MAGEA10: variants seen among roughly 807,000 people sequenced by gnomAD.
The protein encoded by MAGEA10 is melanoma-associated antigen 10.
Under a neutral mutation model 8.6 loss-of-function variants are expected in MAGEA10, and 7 were observed. That is an observed-to-expected ratio of 0.82 (90% CI 0.46 to 1.53). MAGEA10 has a LOEUF of 1.53. Among genes scored for constraint, MAGEA10 ranks in the 40% most tolerant of loss-of-function variants. The pLI is 0.01. For missense variants in MAGEA10, 293 were observed against 274.0 expected (o/e 1.07, Z -0.49); for synonymous variants, 125 against 107.4 (o/e 1.16, Z -1.02).
intron 1 of MAGEA10, 134 bp downstream of exon 1, chrX:152,138,341 T>TGGGGGGGG (rs11365460): frequency 7.6e-5 from 2 of 26,419 alleles, no homozygotes; most frequent in Non-Finnish European, 1.5e-4. Flanking sequence ...GGGGCGGGGG[T>TGGGGGGGG]GGGGGGGGGG....
chrX:152,135,318 T>G lies in MAGEA10; in HGVS notation c.303A>C (p.Pro101=). 1 of 1,210,666 alleles carries G rather than the reference T, an allele frequency of 8.3e-7. No homozygotes were observed. Among genetic ancestry groups the G allele is most frequent in the Non-Finnish European group, 1.1e-6 (1 of 895,163 alleles). ...TGGAGCCCTCATCAGATTGATCTAA[T>G]GGAAGGGAAGCAACGACCGAGGGGG... The part of the protein sequence containing the change: ...CSSPSVVASL[P]LDQSDEGSSS... Residue 101 remains proline (P), a synonymous_variant, in exon 4 of 4, where the codon CCA becomes CCC. Transcript: ENST00000370323.
chrX:152,137,603 G>A (rs1210377337), intron 1 of MAGEA10, among the ~76,000 whole-genome samples: 1 of 109,971 alleles, frequency 9.1e-6, no homozygotes, highest in African/African-American at 3.3e-5. Context: ...AGAAAGTGGG[G>A]GCCACTTCTC....
rs763494940 is a variant in MAGEA10 at position 152,136,036 on chromosome X, A to G, written c.-139-202T>C. On this transcript the variant is annotated intron_variant, in intron 2 of 3. Transcript: ENST00000370323. ...GGCCCTTTCTGCTCTGTGACCTGAA[A>G]ACACTGCCTTAGACCAAGGCCTCAC... 7.7e-4 allele frequency: 93 copies of G among 120,726 alleles called. 1 individual carries two copies. Among genetic ancestry groups the G allele is most frequent in the African/African-American group, 2.8e-3 (87 of 31,064 alleles). 9.9% of individuals were successfully genotyped at this position (120,726 alleles called of 1,213,427 possible).
chrX:152,135,082 G>A lies in MAGEA10; in HGVS notation c.539C>T (p.Ser180Phe). 1.7e-6 allele frequency: 2 copies of A among 1,211,279 alleles called. No individual in the cohort carries two copies. Among genetic ancestry groups the A allele is most frequent in the South Asian group, 3.5e-5 (2 of 56,965 alleles). Residue 180 changes from serine to phenylalanine, a missense_variant, in exon 4 of 4, where the codon TCC becomes TTC. Transcript: ENST00000370323. ...DHFPLLFSEASECMLLVFGID... is the reference protein window; with the variant it reads ...DHFPLLFSEAFECMLLVFGID... ...GCCAAAGACCAGCAGCATGCACTCGGAGGCTTCACTAAACAACAAAGGGAA... is the reference window on the plus strand; with the variant it reads ...GCCAAAGACCAGCAGCATGCACTCGAAGGCTTCACTAAACAACAAAGGGAA...
In MAGEA10 at chrX:152,136,931, T is replaced by C. The variant is rs1387871739; in HGVS notation, c.-200A>G. On this transcript the variant is annotated 5_prime_UTR_variant, in exon 2 of 4. Transcript: ENST00000370323. ...TGTAGAAAAGAGGGGTTCCCTGTGTTGACTTGAGTCACCCTCTGAGAGCAA... is the reference window on the plus strand; with the variant it reads ...TGTAGAAAAGAGGGGTTCCCTGTGTCGACTTGAGTCACCCTCTGAGAGCAA... The C allele has an allele frequency of 9.0e-6, 1 of 111,637 alleles. No individual in the cohort carries two copies. Among genetic ancestry groups the C allele is most frequent in the East Asian group, 2.8e-4 (1 of 3,528 alleles). The allele number at this position is 111,637 out of a possible 1,213,427, so 9.2% of individuals were successfully genotyped here. A position where few individuals can be genotyped will look rare whatever the true frequency, so the allele number is the denominator to read the frequency against.
chrX:152,134,735 A>G lies in MAGEA10; in HGVS notation c.886T>C (p.Phe296Leu), dbSNP rs1404914723. The G allele has an allele frequency of 2.5e-6, 3 of 1,208,900 alleles. No homozygotes were observed. The highest frequency in any genetic ancestry group is 3.4e-6 in the Non-Finnish European group (3 of 894,957). ...VPGSDPARYE[F>L]LWGPRAHAEI... is the part of the protein sequence containing the mutation. ...GCATGAGCCCTTGGACCCCACAGAA[A>G]CTCATACCGTGCAGGATCACTGCCA... Residue 296 changes from phenylalanine (F) to leucine (L), a missense_variant, in exon 4 of 4, where the codon TTT (phenylalanine) becomes CTT (leucine). Transcript: ENST00000370323.
Position 152,134,793 on chromosome X carries a change from C to T in MAGEA10, c.828G>A (p.Val276=), listed in dbSNP as rs776788698. The stretch of plus-strand genomic sequence containing the variant: ...GCCGGTACTCCAGGTAGTTTTCCTG[C>T]ACCCAATCTTGGGTGAGCAGCTTCC... ...EPRKLLTQDW[V]QENYLEYRQV... is the part of the protein sequence containing the mutation. The change falls in exon 4 of 4, where the codon GTG becomes GTA. Residue 276 remains valine, a synonymous_variant. Transcript: ENST00000370323. 14 of 1,209,840 alleles carry T rather than the reference C, an allele frequency of 1.2e-5. No individual in the cohort carries two copies. The highest frequency in any genetic ancestry group is 1.6e-5 in the Non-Finnish European group (14 of 895,252).
intron 2 of MAGEA10, 127 bp from the exon 3 acceptor site, chrX:152,135,961 T>C (rs991797789): frequency 1.1e-5 from 2 of 181,604 alleles, no homozygotes; most frequent in African/African-American, 6.0e-5. Context: ...GGTGGGGCCC[T>C]TGGTACACAT....
chrX:152,135,105 G>A lies in MAGEA10; in HGVS notation c.516C>T (p.Phe172=). The stretch of plus-strand genomic sequence containing the variant: ...CGGAGGCTTCACTAAACAACAAAGG[G>A]AAGTGGTCTTCATAATTTCTTATGA... ...ESVIRNYEDH[F]PLLFSEASEC... Residue 172 remains phenylalanine, a synonymous_variant, in exon 4 of 4, where the codon TTC becomes TTT. Transcript: ENST00000370323. 2.5e-6 allele frequency: 3 copies of A among 1,211,421 alleles called. No individual in the cohort carries two copies. The highest frequency in any genetic ancestry group is 1.1e-6 in the Non-Finnish European group (1 of 895,292).
Position 152,135,342 on chromosome X carries a change from G to A in MAGEA10, c.279C>T (p.Ser93=). 8.3e-7 allele frequency: 1 copy of A among 1,210,393 alleles called. No homozygotes were observed. The highest frequency in any genetic ancestry group is 2.2e-5 in the Admixed American group (1 of 45,906). The change falls in exon 4 of 4, where the codon TCC becomes TCT. Residue 93 remains serine (S), a synonymous_variant. Transcript: ENST00000370323. ...PPQSAQIACS[S]PSVVASLPLD... is the part of the protein sequence containing the mutation. Reference sequence around the variant, plus strand: ...ATGGAAGGGAAGCAACGACCGAGGGGGAGGAGCAGGCTATCTGAGCACTCT... The same window carrying A: ...ATGGAAGGGAAGCAACGACCGAGGGAGAGGAGCAGGCTATCTGAGCACTCT...
In MAGEA10 at chrX:152,138,498, C is replaced by T. The variant is rs965611688; in HGVS notation, c.-262G>A. ...ACCTTGCCTCCTCACAGAGCCTGGG[C>T]CCGCTCTCTTCAGCCGATCTCAAGC... On this transcript the variant is annotated 5_prime_UTR_variant, in exon 1 of 4. Transcript: ENST00000370323. The T allele has an allele frequency of 1.8e-5, 2 of 108,132 alleles. No individual in the cohort carries two copies. Among genetic ancestry groups the T allele is most frequent in the Admixed American group, 9.9e-5 (1 of 10,136 alleles). 8.9% of individuals were successfully genotyped at this position (108,132 alleles called of 1,213,427 possible).
chrX:152,137,483 G>A (rs1383312747), intron 1 of MAGEA10, among the ~76,000 whole-genome samples: 1 of 95,462 alleles, frequency 1.0e-5, no homozygotes, highest in East Asian at 3.6e-4. Flanking sequence ...TTATTTGGGT[G>A]TCCTCCAGGT....
At chrX:152,138,349 G>A (rs770310459) in intron 1 of MAGEA10, 126 bp downstream of exon 1, 1 of 96,299 alleles carries the variant, frequency 1.0e-5, no homozygotes, top group Non-Finnish European at 2.1e-5. Context: ...GGTGGGGGGG[G>A]GGTGACAGCC....
intron 2 of MAGEA10, among the ~76,000 whole-genome samples, chrX:152,136,447 C>T (rs1381173742): frequency 2.7e-5 from 3 of 110,876 alleles, no homozygotes; most frequent in African/African-American, 9.9e-5. Context: ...ATGCCTGATA[C>T]GACCTGGGAC....
intron 1 of MAGEA10, among the ~76,000 whole-genome samples, chrX:152,138,265 C>T (rs1282938313): frequency 3.0e-5 from 3 of 101,130 alleles, no homozygotes; most frequent in African/African-American, 7.2e-5. Flanking sequence ...CCGAACCAGC[C>T]GGGCCCTGGT....
Position 152,135,503 on chromosome X carries a change from A to G in MAGEA10, c.118T>C (p.Ser40Pro). Residue 40 changes from serine (S) to proline (P), a missense_variant, in exon 4 of 4, where the codon TCA (serine) becomes CCA (proline). By Grantham distance (74) the Ser-to-Pro change is moderately conservative (BLOSUM62 -1). Coordinates refer to ENST00000370323, the MANE Select transcript of MAGEA10 (RefSeq NM_021048.5). ...AAAGAGGAGCTGGTGGAAGTGGATG[A>G]TGAAGCATCCTCCTCCACAGCCAGG... ...APLAVEEDAS[S>P]STSTSSSFPS... is the part of the protein sequence containing the mutation. The G allele has an allele frequency of 8.4e-7, 1 of 1,194,953 alleles. No homozygotes were observed. The highest frequency in any genetic ancestry group is 1.1e-6 in the Non-Finnish European group (1 of 887,451).
chrX:152,135,564 T>C lies in MAGEA10; in HGVS notation c.57A>G (p.Gln19=), dbSNP rs1233990070. ...CACCCTCGAGGCCCTGTGTCTCACT[T>C]TGGGATTGAAGATCTTCTTCAGGCA... is the stretch of plus-strand genomic sequence containing the variant. ...RCMPEEDLQS[Q]SETQGLEGAQ... The change falls in exon 4 of 4, where the codon CAA becomes CAG. Residue 19 remains glutamine, a synonymous_variant. Coordinates refer to ENST00000370323, the MANE Select transcript of MAGEA10 (RefSeq NM_021048.5). 1 of 1,148,071 alleles carries C rather than the reference T, an allele frequency of 8.7e-7. No homozygotes were observed. Among genetic ancestry groups the C allele is most frequent in the Non-Finnish European group, 1.2e-6 (1 of 866,354 alleles). The allele number at this position is 1,148,071 out of a possible 1,213,427, so 94.6% of individuals were successfully genotyped here.
Position 152,134,371 on chromosome X carries a change from T to C in MAGEA10, c.*140A>G, listed in dbSNP as rs781500862. On this transcript the variant is annotated 3_prime_UTR_variant, in exon 4 of 4. Transcript: ENST00000370323. ...AACACTAGAACTTATTCCTCCTATT[T>C]AATTGTAATGTAACTACTGCTCTAC... is the stretch of plus-strand genomic sequence containing the variant. 2 of 487,190 alleles carry C rather than the reference T, an allele frequency of 4.1e-6. No homozygotes were observed. The highest frequency in any genetic ancestry group is 6.9e-5 in the East Asian group (2 of 29,054). 40.1% of individuals were successfully genotyped at this position (487,190 alleles called of 1,213,427 possible).
chrX:152,138,341 T>TGGGGGG (rs11365460), intron 1 of MAGEA10, 134 bp downstream of exon 1: 3 of 26,417 alleles, frequency 1.1e-4, no homozygotes, highest in Non-Finnish European at 1.5e-4. Flanking sequence ...GGGGCGGGGG[T>TGGGGGG]GGGGGGGGGG....
Sources: gnomAD v4.1 joint callset for allele counts (sites outside exome capture counted in the v4.1 genomes callset) on GRCh38, gnomAD v4.1.1 for gene constraint, MANE v1.5 for transcripts, NCBI Gene and HGNC (gene_info 2026-07-23, HGNC 2026-07-21) for gene names.